GOLM1: variants seen among roughly 807,000 people sequenced by gnomAD.
The protein encoded by GOLM1 is golgi membrane protein 1.
A neutral mutation model predicts 50.5 loss-of-function variants in GOLM1; 31 were observed. The observed-to-expected ratio is 0.61, with a 90% CI of 0.46 to 0.83. The LOEUF (loss-of-function observed/expected upper bound fraction) is 0.83. GOLM1 is among the 40% of genes least tolerant of loss of function. GOLM1 has a pLI of 0.00. For synonymous variants in GOLM1, 178 were observed against 192.8 expected, an observed-to-expected ratio of 0.92 and a Z score of 0.64; for missense variants, 491 against 501.3, an observed-to-expected ratio of 0.98 and a Z score of 0.20.
chr9:86,061,605 A>C (rs891169168), intron 3 of GOLM1, among the ~76,000 whole-genome samples: 2 of 152,148 alleles, frequency 1.3e-5, no homozygotes, highest in African/African-American at 4.8e-5. Flanking sequence ...ATCTGCTGCT[A>C]ATTTGCTCCT....
At chr9:86,079,127 C>A (rs1834710496) in intron 2 of GOLM1, 65 bp downstream of exon 2, 2 of 1,374,910 alleles carry the variant, frequency 1.5e-6, no homozygotes, top group South Asian at 1.5e-5. Flanking sequence ...CCCTGGGACC[C>A]CATCATAACA....
chr9:86,074,438 T>C (rs762657763), intron 3 of GOLM1, among the ~76,000 whole-genome samples: 3 of 152,176 alleles, frequency 2.0e-5, no homozygotes, highest in African/African-American at 4.8e-5. Flanking sequence ...TGAACTCCCA[T>C]GTACCCATCA....
intron 4 of GOLM1, among the ~76,000 whole-genome samples, chr9:86,048,274 T>G (rs750764644): frequency 2.0e-4 from 30 of 152,276 alleles, no homozygotes; most frequent in South Asian, 4.1e-4. Context: ...AGTCTATCAC[T>G]GTTGGACATT....
intron 5 of GOLM1, among the ~76,000 whole-genome samples, chr9:86,046,024 G>A (rs1054160896): frequency 6.6e-6 from 1 of 152,224 alleles, no homozygotes; most frequent in Non-Finnish European, 1.5e-5. Flanking sequence ...GATTATCAAA[G>A]TATTCCATTC....
chr9:86,093,038 C>T (rs1835234444), intron 1 of GOLM1, among the ~76,000 whole-genome samples: 1 of 152,192 alleles, frequency 6.6e-6, no homozygotes, highest in South Asian at 2.1e-4. Flanking sequence ...TGTGAGGCTC[C>T]AGGCTTTCCC....
At chr9:86,099,306 G>C (rs1401592254) in intron 1 of GOLM1, 105 bp downstream of exon 1, 1 of 152,384 alleles carries the variant, frequency 6.6e-6, no homozygotes, top group Non-Finnish European at 1.5e-5. Flanking sequence ...AGGCTCCGGG[G>C]ACCGACGCGA....
At chr9:86,072,579 A>G (rs1834479593) in intron 3 of GOLM1, among the ~76,000 whole-genome samples, 1 of 152,244 alleles carries the variant, frequency 6.6e-6, no homozygotes, top group Admixed American at 6.5e-5. Flanking sequence ...GCTTTGAAAA[A>G]TGTTCAAGGA....
intron 1 of GOLM1, among the ~76,000 whole-genome samples, chr9:86,090,810 A>AAAG: frequency 6.6e-6 from 1 of 150,888 alleles, no homozygotes; most frequent in East Asian, 1.9e-4. Context: ...AAAAAAAAAA[A>AAAG]AAAACTCCTG....
At chr9:86,028,350 G>A (rs931218283) in intron 9 of GOLM1, among the ~76,000 whole-genome samples, 3 of 152,202 alleles carry the variant, frequency 2.0e-5, no homozygotes, top group Admixed American at 2.0e-4. Context: ...ATGGTGGAAC[G>A]ATTCGGACGC....
At position 86,027,240 on chromosome 9, in the gene GOLM1, TTTAGAC is replaced by T. The variant is rs1433681982; in HGVS notation, c.*571_*576del. On this transcript the variant is annotated 3_prime_UTR_variant, in exon 10 of 10. Transcript: ENST00000388712. ...AATTCTCACACAGAACAGCTTTGTA[TTTAGAC>T]TTAAAGCTGTTGCTACTTTGCTAGT... 1.0e-6 allele frequency: 1 copy of T among 985,496 alleles called. No homozygotes were observed. The highest frequency in any genetic ancestry group is 5.2e-4 in the Middle Eastern group (1 of 1,914). 61.0% of individuals were successfully genotyped at this position (985,496 alleles called of 1,614,324 possible). A position where few individuals can be genotyped will look rare whatever the true frequency, so the allele number is the denominator to read the frequency against.
chr9:86,083,768 C>T (rs962151615), intron 1 of GOLM1, among the ~76,000 whole-genome samples: 2 of 152,188 alleles, frequency 1.3e-5, no homozygotes, highest in African/African-American at 4.8e-5. Context: ...CGAACTCTTA[C>T]CTATGTGTAC....
chr9:86,088,017 C>T (rs1835032531), intron 1 of GOLM1, among the ~76,000 whole-genome samples: 1 of 152,120 alleles, frequency 6.6e-6, no homozygotes, highest in Non-Finnish European at 1.5e-5. Context: ...AGGAATGGTA[C>T]CAGCTCCTCT....
At chr9:86,064,181 A>G (rs146893093) in intron 3 of GOLM1, among the ~76,000 whole-genome samples, 499 of 152,304 alleles carry the variant, frequency 3.3e-3, no homozygotes, top group African/African-American at 0.011. Flanking sequence ...CTACAAATGT[A>G]TTTTTAAGTG....
At chr9:86,039,405 G>GT (rs1289964769) in intron 6 of GOLM1, among the ~76,000 whole-genome samples, 1 of 152,148 alleles carries the variant, frequency 6.6e-6, no homozygotes, top group Non-Finnish European at 1.5e-5. Context: ...TCCTCAATAG[G>GT]TTAAATATAG....
At chr9:86,040,932 C>T in intron 5 of GOLM1, 64 bp from the exon 6 acceptor site, 1 of 1,503,502 alleles carries the variant, frequency 6.7e-7, no homozygotes. Context: ...TGGACGGTGA[C>T]ATCCACTTCC....
intron 3 of GOLM1, among the ~76,000 whole-genome samples, chr9:86,055,982 A>AAAAC (rs148371794): frequency 0.049 from 1,232 of 25,336 alleles, 9 homozygotes; most frequent in African/African-American, 0.27. Context: ...AAAAAAAACA[A>AAAAC]AAACAAACCA....
intron 1 of GOLM1, among the ~76,000 whole-genome samples, chr9:86,090,022 T>G (rs2118895372): frequency 6.6e-6 from 1 of 152,320 alleles, no homozygotes; most frequent in South Asian, 2.1e-4. Context: ...GCAGGTCTGC[T>G]GGAGTTTGCT....
chr9:86,062,426 G>A (rs1175435793), intron 3 of GOLM1, among the ~76,000 whole-genome samples: 1 of 151,698 alleles, frequency 6.6e-6, no homozygotes, highest in African/African-American at 2.4e-5. Context: ...GGAGGAAGGA[G>A]AGAGCAAAGG....
intron 1 of GOLM1, among the ~76,000 whole-genome samples, chr9:86,096,744 A>G (rs565971920): frequency 6.6e-6 from 1 of 152,328 alleles, no homozygotes; most frequent in African/African-American, 2.4e-5. Context: ...TTGTTAACAA[A>G]TCCAGCCCTA....
Sources: allele counts gnomAD v4.1 joint callset (sites outside exome capture counted in the v4.1 genomes callset), GRCh38; gene constraint gnomAD v4.1.1; transcripts MANE v1.5; gene names NCBI Gene and HGNC (gene_info 2026-07-23, HGNC 2026-07-21).